Variants in IL16 observed in about 807,000 individuals in gnomAD.
IL16 encodes pro-interleukin-16.
IL16 carries 67 observed loss-of-function variants against 110.1 expected under a neutral mutation model. The observed-to-expected ratio is 0.61, with a 90% CI of 0.50 to 0.75. The LOEUF (loss-of-function observed/expected upper bound fraction) is 0.75. Ranked by LOEUF, IL16 falls within the 30% of genes least tolerant of loss-of-function variation. The pLI, the probability that IL16 is intolerant of heterozygous loss-of-function variation, is 0.00. For synonymous variants in IL16, 689 were observed against 662.9 expected (o/e 1.04, Z -0.61); for missense variants, 1,545 against 1,655.0 (o/e 0.93, Z 1.15).
Position 81,300,217 on chromosome 15 carries a change from C to G in IL16, c.2891C>G (p.Ala964Gly). 6.2e-7 allele frequency: 1 copy of G among 1,614,234 alleles called. No individual in the cohort carries two copies. ...GPVLKMPSQR[A>G]RSFPLTRSQS... is the part of the protein sequence containing the mutation. The stretch of plus-strand genomic sequence containing the variant: ...GTGCTCAAGATGCCTAGCCAGCGAG[C>G]ACGGAGCTTCCCCCTGACCAGGTCC... The change falls in exon 14 of 19, where the codon GCA becomes GGA. Residue 964 changes from alanine to glycine, a missense_variant. This residue lies in a region of IL16 where 1,185 missense variants were observed against 1,238.8 expected (regional missense o/e 0.96). Transcript: ENST00000683961.
At chr15:81,290,794 T>C (rs1056939967) in intron 11 of IL16, among the ~76,000 whole-genome samples, 1 of 152,138 alleles carries the variant, frequency 6.6e-6, no homozygotes, top group South Asian at 2.1e-4. Flanking sequence ...TCTCTCCAGC[T>C]CCCGGTGGTC....
intron 3 of IL16, among the ~76,000 whole-genome samples, chr15:81,264,491 A>G (rs1217323975): frequency 2.0e-5 from 3 of 152,188 alleles, no homozygotes; most frequent in African/African-American, 4.8e-5. Context: ...AATAAGCTTA[A>G]GTCTTTCCCA....
At chr15:81,195,922 G>C (rs1329155057), upstream of IL16, among the ~76,000 whole-genome samples, 5 of 152,002 alleles carry the variant, frequency 3.3e-5, no homozygotes, top group African/African-American at 1.2e-4. Context: ...ATGCCAACAG[G>C]ACACACACAA....
chr15:81,307,232 G>A (rs555143544), intron 18 of IL16, among the ~76,000 whole-genome samples: 1 of 152,318 alleles, frequency 6.6e-6, no homozygotes, highest in East Asian at 1.9e-4. Context: ...GTAGAGAGAG[G>A]AGTACTGGAC....
chr15:81,247,620 C>G (rs1897612003), intron 2 of IL16, among the ~76,000 whole-genome samples: 2 of 152,236 alleles, frequency 1.3e-5, no homozygotes, highest in East Asian at 1.9e-4. Flanking sequence ...AGTAAAACAT[C>G]AAAACCACAA....
chr15:81,227,939 G>C (rs1443356534), intron 2 of IL16, among the ~76,000 whole-genome samples: 2 of 152,118 alleles, frequency 1.3e-5, no homozygotes, highest in Non-Finnish European at 2.9e-5. Context: ...GTTTCAGCTT[G>C]AGCACCTGGG....
At position 81,216,570 on chromosome 15, in the gene IL16, G is replaced by A. The variant is rs543931758; in HGVS notation, c.-101-8729G>A. On this transcript the variant is annotated intron_variant, in intron 1 of 18. Coordinates refer to ENST00000683961, the MANE Select transcript of IL16 (RefSeq NM_172217.5). The stretch of plus-strand genomic sequence containing the variant: ...CAACACATCCTGGCTGCATGTAGTC[G>A]GCCATCTTGTTTCCGCCTCCTGCTG... 3.7e-3 allele frequency among the ~76,000 whole-genome samples: 565 copies of A among 152,090 alleles called. 4 individuals are homozygous for A. Among genetic ancestry groups the A allele is most frequent in the African/African-American group, 0.013 (535 of 41,486 alleles).
At chr15:81,251,391 C>A (rs1000039277) in intron 2 of IL16, among the ~76,000 whole-genome samples, 1 of 152,104 alleles carries the variant, frequency 6.6e-6, no homozygotes, top group African/African-American at 2.4e-5. Flanking sequence ...GTCTTGAACT[C>A]CTGGCCTCAA....
intron 1 of IL16, among the ~76,000 whole-genome samples, chr15:81,223,014 TA>T (rs1011552242): frequency 6.6e-6 from 1 of 152,130 alleles, no homozygotes; most frequent in African/African-American, 2.4e-5. Context: ...AATAATGAGG[TA>T]AAAGAGAAAA....
At chr15:81,286,308 A>C (rs917026450) in intron 10 of IL16, among the ~76,000 whole-genome samples, 4 of 152,224 alleles carry the variant, frequency 2.6e-5, no homozygotes, top group African/African-American at 9.7e-5. Context: ...TATAGCAGGG[A>C]ATGGTTGATA....
chr15:81,185,297 C>T (rs568917526), intron 1 of IL16, among the ~76,000 whole-genome samples: 100 of 152,192 alleles, frequency 6.6e-4, no homozygotes, highest in African/African-American at 2.1e-3. Context: ...TTTCAATATA[C>T]AAAGAGTGAA....
In IL16 at chr15:81,265,912, A is replaced by C. The variant is rs1033431576; in HGVS notation, c.564+111A>C. 5 of 985,808 alleles carry C rather than the reference A, an allele frequency of 5.1e-6. No homozygotes were observed. The Admixed American group carries it at 1.1e-4, about 21-fold the overall frequency. The allele number at this position is 985,808 out of a possible 1,614,324, so 61.1% of individuals were successfully genotyped here. A position where few individuals can be genotyped will look rare whatever the true frequency, so the allele number is the denominator to read the frequency against. ...TTCCCAGTAGTTTTTTTGTCCGCAG[A>C]ACTACAGAGGAGAGGGTCTCGCTTA... is the stretch of plus-strand genomic sequence containing the variant. On this transcript the variant is annotated intron_variant, in intron 4 of 18. Transcript: ENST00000683961.
At position 81,313,552 on chromosome 15, in the gene IL16, C is replaced by T; in HGVS notation, c.*4754C>T. The T allele has an allele frequency of 1.7e-6, 1 of 602,462 alleles. No homozygotes were observed. Among genetic ancestry groups the T allele is most frequent in the Non-Finnish European group, 2.5e-6 (1 of 392,690 alleles). The allele number at this position is 602,462 out of a possible 1,614,324, so 37.3% of individuals were successfully genotyped here. On this transcript the variant is annotated 3_prime_UTR_variant, in exon 19 of 19. Transcript: ENST00000683961. ...CTTGCTGTGCCCTCCACCCAGGAGTCCTCTCTGGACCTGCTGATTTTCAGG... is the reference window on the plus strand; with the variant it reads ...CTTGCTGTGCCCTCCACCCAGGAGTTCTCTCTGGACCTGCTGATTTTCAGG...
intron 2 of IL16, among the ~76,000 whole-genome samples, chr15:81,258,773 C>CTATATA (rs964112431): frequency 4.0e-5 from 6 of 149,702 alleles, no homozygotes; most frequent in African/African-American, 1.2e-4. Context: ...CTCTCTCTCT[C>CTATATA]TATATATATA....
intron 11 of IL16, chr15:81,292,205 C>A: frequency 2.7e-6 from 1 of 370,928 alleles, no homozygotes; most frequent in Non-Finnish European, 5.3e-6. Flanking sequence ...GACAAGGCAG[C>A]TGTCTGCAGC....
At chr15:81,222,662 G>A (rs1478951936) in intron 1 of IL16, among the ~76,000 whole-genome samples, 1 of 151,666 alleles carries the variant, frequency 6.6e-6, no homozygotes, top group East Asian at 1.9e-4. Context: ...AAGTCCAGAA[G>A]GATTTTAACA....
chr15:81,253,793 GC>G (rs1425062310), intron 2 of IL16, among the ~76,000 whole-genome samples: 1 of 152,188 alleles, frequency 6.6e-6, no homozygotes, highest in Non-Finnish European at 1.5e-5. Flanking sequence ...CCTGAGCTAT[GC>G]CATTGGCAGT....
Position 81,292,916 on chromosome 15 carries a change from C to T in IL16, c.1781C>T (p.Ser594Phe), listed in dbSNP as rs1163471343. The T allele has an allele frequency of 6.2e-7, 1 of 1,614,192 alleles. No individual in the cohort carries two copies. The highest frequency in any genetic ancestry group is 1.7e-5 in the Admixed American group (1 of 60,030). ...GAGATTTTGGTGAGAAAGCCTATGT[C>T]CTCCAAGCCCAAGCCTCCACCCAGA... ...SFEILVRKPM[S>F]SKPKPPPRKY... The change falls in exon 12 of 19, where the codon TCC (serine) becomes TTC (phenylalanine). Residue 594 changes from serine (S) to phenylalanine (F), a missense_variant. By Grantham distance (155) the Ser-to-Phe change is radical (BLOSUM62 -2). Around this residue, in one of 3 missense-constraint regions of IL16, gnomAD observed 1,185 missense variants for 1,238.8 expected, o/e 0.96. Coordinates refer to ENST00000683961, the MANE Select transcript of IL16 (RefSeq NM_172217.5).
intron 4 of IL16, among the ~76,000 whole-genome samples, chr15:81,268,864 G>T (rs1235156505): frequency 6.6e-6 from 1 of 152,206 alleles, no homozygotes; most frequent in Non-Finnish European, 1.5e-5. Flanking sequence ...TACAGCTGAG[G>T]AAACTGAGGC....
Sources: allele counts gnomAD v4.1 joint callset (sites outside exome capture counted in the v4.1 genomes callset), GRCh38; gene constraint gnomAD v4.1.1; regional missense constraint gnomAD v4.1.1; transcripts MANE v1.5; gene names NCBI Gene and HGNC (gene_info 2026-07-23, HGNC 2026-07-21).